Variants in AAGAB observed in about 807,000 individuals in gnomAD.
AAGAB encodes the protein alpha- and gamma-adaptin-binding protein p34.
Under a neutral mutation model 44.1 loss-of-function variants are expected in AAGAB, and 38 were observed. That is an observed-to-expected ratio of 0.86 (90% CI 0.67 to 1.13). The LOEUF is 1.13. Among genes scored for constraint, AAGAB ranks in the 50% most tolerant of loss-of-function variants. The pLI is 0.00. For synonymous variants in AAGAB, 131 were observed against 131.8 expected, an observed-to-expected ratio of 0.99 and a Z score of 0.04; for missense variants, 450 against 373.8, an observed-to-expected ratio of 1.20 and a Z score of -1.68.
intron 4 of AAGAB, 24 bp downstream of exon 4, chr15:67,235,955 T>A (rs1166243690): frequency 1.3e-6 from 2 of 1,509,932 alleles, no homozygotes; most frequent in Admixed American, 3.8e-5. Context: ...GTGCCATATT[T>A]TCTCCTAACA....
At chr15:67,232,070 A>G (rs1028531830) in intron 4 of AAGAB, among the ~76,000 whole-genome samples, 173 bp from the exon 5 acceptor site, 1 of 152,048 alleles carries the variant, frequency 6.6e-6, no homozygotes, top group African/African-American at 2.4e-5. Context: ...CCTGACCAAC[A>G]TAGAGAAACC....
Position 67,209,561 on chromosome 15 carries a change from C to G in AAGAB, c.536-17G>C. ...GGTTCCTATCTGAAAAGGAAAAATA[C>G]ACTTAGTGAAATTTGTCATTTACAT... On this transcript the variant is annotated splice_polypyrimidine_tract_variant and intron_variant, in intron 5 of 9. Transcript: ENST00000261880. The G allele has an allele frequency of 6.3e-7, 1 of 1,594,098 alleles. No individual in the cohort carries two copies. Among genetic ancestry groups the G allele is most frequent in the South Asian group, 1.1e-5 (1 of 90,380 alleles).
At chr15:67,241,565 A>T (rs147694299) in intron 1 of AAGAB, among the ~76,000 whole-genome samples, 1 of 152,134 alleles carries the variant, frequency 6.6e-6, no homozygotes, top group Non-Finnish European at 1.5e-5. Flanking sequence ...GAAAATAGAC[A>T]GCACAGACCT....
chr15:67,246,488 G>T (rs555480876), intron 1 of AAGAB, among the ~76,000 whole-genome samples: 1 of 151,890 alleles, frequency 6.6e-6, no homozygotes, highest in African/African-American at 2.4e-5. Flanking sequence ...TATTAGAAAC[G>T]TATTTGTGGT....
At chr15:67,215,449 A>G (rs746450668) in intron 5 of AAGAB, among the ~76,000 whole-genome samples, 1 of 152,156 alleles carries the variant, frequency 6.6e-6, no homozygotes, top group Non-Finnish European at 1.5e-5. Flanking sequence ...GACCTCCTAG[A>G]TATTTTCTGT....
At chr15:67,230,559 C>T (rs1470737861) in intron 5 of AAGAB, among the ~76,000 whole-genome samples, 2 of 152,196 alleles carry the variant, frequency 1.3e-5, no homozygotes, top group African/African-American at 4.8e-5. Context: ...GATCCTTCCC[C>T]GGCACCTTCA....
intron 1 of AAGAB, among the ~76,000 whole-genome samples, chr15:67,253,554 G>A (rs58074225): frequency 0.21 from 32,488 of 151,974 alleles, 4,125 homozygotes; most frequent in East Asian, 0.47. Flanking sequence ...ACGAGTTGGA[G>A]ACCAGCCTGA....
At chr15:67,205,657 A>C (rs1029344696) in intron 7 of AAGAB, among the ~76,000 whole-genome samples, 1 of 152,220 alleles carries the variant, frequency 6.6e-6, no homozygotes, top group Non-Finnish European at 1.5e-5. Context: ...CCACGAGGTC[A>C]AGATGAGGAC....
intron 5 of AAGAB, among the ~76,000 whole-genome samples, chr15:67,222,511 T>C (rs532358069): frequency 2.0e-5 from 3 of 152,254 alleles, no homozygotes; most frequent in South Asian, 4.2e-4. Flanking sequence ...AGAAAATTTA[T>C]GCAATCAGAA....
At chr15:67,232,668 G>A (rs374596795) in intron 4 of AAGAB, 39 of 294,740 alleles carry the variant, frequency 1.3e-4, no homozygotes, top group South Asian at 8.0e-4. Context: ...CATAATTTAC[G>A]ATTCCTTGGA....
At chr15:67,235,893 G>C in intron 4 of AAGAB, 86 bp downstream of exon 4, 2 of 1,069,934 alleles carry the variant, frequency 1.9e-6, no homozygotes, top group Non-Finnish European at 2.7e-6. Context: ...AAAGTTTCTT[G>C]AATTTTGCTG....
intron 5 of AAGAB, among the ~76,000 whole-genome samples, chr15:67,217,576 T>C (rs577754598): frequency 2.6e-5 from 4 of 152,178 alleles, no homozygotes; most frequent in Non-Finnish European, 5.9e-5. Context: ...TCTCGCTCTA[T>C]CACCAGGCTG....
chr15:67,224,525 T>C (rs984948907), intron 5 of AAGAB, among the ~76,000 whole-genome samples: 18 of 152,098 alleles, frequency 1.2e-4, no homozygotes, highest in African/African-American at 4.1e-4. Context: ...GACTCCATAT[T>C]AAACATAGTC....
At position 67,249,720 on chromosome 15, in the gene AAGAB, A is replaced by C. The variant is rs544266472; in HGVS notation, c.73+4839T>G. ...ACCACCTTAAATTAAAATAGTTCTG[A>C]CTGCTAAGGAATCTCAACACATTAC... On this transcript the variant is annotated intron_variant, in intron 1 of 9. Coordinates refer to ENST00000261880, the MANE Select transcript of AAGAB (RefSeq NM_024666.5). Among the ~76,000 whole-genome samples, 5 of 152,324 alleles carry C rather than the reference A, an allele frequency of 3.3e-5. No individual in the cohort carries two copies. In the South Asian group the frequency reaches 1.0e-3, roughly 32 times the overall value.
Position 67,223,084 on chromosome 15 carries a change from T to C in AAGAB, c.535+8730A>G, listed in dbSNP as rs184295615. 3.9e-5 allele frequency among the ~76,000 whole-genome samples: 6 copies of C among 152,328 alleles called. No individual in the cohort carries two copies. The East Asian group carries it at 1.2e-3, about 29-fold the overall frequency. On this transcript the variant is annotated intron_variant, in intron 5 of 9. Transcript: ENST00000261880. ...CCACTATCTTGGTTTTCCTACCTCATTGACCTTTCTTCCTCAGTCTCCTTT... is the reference window on the plus strand; with the variant it reads ...CCACTATCTTGGTTTTCCTACCTCACTGACCTTTCTTCCTCAGTCTCCTTT...
chr15:67,254,152 C>T (rs1452309280), intron 1 of AAGAB: 2 of 173,800 alleles, frequency 1.2e-5, no homozygotes, highest in African/African-American at 4.7e-5. Flanking sequence ...GAATAAACTT[C>T]AGAATTCAGA....
At chr15:67,231,282 T>C (rs766370781) in intron 5 of AAGAB, among the ~76,000 whole-genome samples, 1 of 152,232 alleles carries the variant, frequency 6.6e-6, no homozygotes, top group African/African-American at 2.4e-5. Context: ...ATGTCATGCT[T>C]CCTTCTCCAC....
At chr15:67,223,993 T>TTA (rs1964142528) in intron 5 of AAGAB, among the ~76,000 whole-genome samples, 1 of 152,216 alleles carries the variant, frequency 6.6e-6, no homozygotes, top group Non-Finnish European at 1.5e-5. Context: ...TTGAACCACC[T>TTA]TATTTAACAT....
chr15:67,211,273 C>T (rs111969882), intron 5 of AAGAB, among the ~76,000 whole-genome samples: 67 of 152,308 alleles, frequency 4.4e-4, no homozygotes, highest in African/African-American at 1.6e-3. Flanking sequence ...TACTGCTTTT[C>T]ATTCTGTACA....
Sources: gnomAD v4.1 joint callset for allele counts (sites outside exome capture counted in the v4.1 genomes callset) on GRCh38, gnomAD v4.1.1 for gene constraint, MANE v1.5 for transcripts, NCBI Gene and HGNC (gene_info 2026-07-23, HGNC 2026-07-21) for gene names.